Variants in RASGEF1B observed in about 807,000 individuals in gnomAD.
RASGEF1B encodes ras-GEF domain-containing family member 1B.
A neutral mutation model predicts 65.7 loss-of-function variants in RASGEF1B; 30 were observed. The observed-to-expected ratio is 0.46, with a 90% confidence interval of 0.34 to 0.62. The LOEUF (loss-of-function observed/expected upper bound fraction) is 0.62. Ranked by LOEUF, RASGEF1B falls within the 20% of genes least tolerant of loss-of-function variation. The pLI is 0.01. For missense variants in RASGEF1B, 495 were observed against 580.1 expected, an observed-to-expected ratio of 0.85 and a Z score of 1.51; for synonymous variants, 175 against 194.8, an observed-to-expected ratio of 0.90 and a Z score of 0.85.
chr4:81,426,469 T>C lies in RASGEF1B; in HGVS notation c.*1299A>G, dbSNP rs1313301032. The C allele has an allele frequency of 6.6e-6, 1 of 152,234 alleles. No individual in the cohort carries two copies. The highest frequency in any genetic ancestry group is 2.4e-5 in the African/African-American group (1 of 41,462). The allele number at this position is 152,234 out of a possible 1,614,324, so 9.4% of individuals were successfully genotyped here. ...GGATATTTTAGGTCTGCTGAGATGA[T>C]GCACAGCATACATACATGCTCTAGT... On this transcript the variant is annotated 3_prime_UTR_variant, in exon 14 of 14. Coordinates refer to ENST00000264400, the MANE Select transcript of RASGEF1B (RefSeq NM_152545.3).
At chr4:81,458,805 C>T (rs749344122) in intron 2 of RASGEF1B, among the ~76,000 whole-genome samples, 15 of 152,158 alleles carry the variant, frequency 9.9e-5, no homozygotes, top group Admixed American at 3.9e-4. Context: ...ACAACAAATT[C>T]CCTAGATTAG....
chr4:81,441,304 G>T (rs41470747), intron 9 of RASGEF1B, among the ~76,000 whole-genome samples: 5,734 of 152,196 alleles, frequency 0.038, 141 homozygotes, highest in Middle Eastern at 0.071. Flanking sequence ...CCAACACTTT[G>T]TAGTGACAAA....
chr4:81,434,872 C>T (rs909247954), intron 10 of RASGEF1B, 138 bp from the exon 11 acceptor site: 19 of 614,532 alleles, frequency 3.1e-5, no homozygotes, highest in Non-Finnish European at 4.6e-5. Context: ...TGTTTTGTTT[C>T]TTACACAACA....
At chr4:81,451,312 A>G (rs1013311612) in intron 4 of RASGEF1B, 1 of 152,236 alleles carries the variant, frequency 6.6e-6, no homozygotes, top group Non-Finnish European at 1.5e-5. Flanking sequence ...AATAGTTTTT[A>G]AAAAGAAAAA....
intron 2 of RASGEF1B, 134 bp downstream of exon 2, chr4:81,459,198 T>G (rs1376757967): frequency 1.6e-5 from 11 of 695,990 alleles, no homozygotes. Context: ...CACTTGATAA[T>G]CAATATGCAA....
rs148087176 is a variant in RASGEF1B, at chr4:81,466,754, A to G, written c.-7+5016T>C. On this transcript the variant is annotated intron_variant, in intron 1 of 13. Coordinates refer to ENST00000264400, the MANE Select transcript of RASGEF1B (RefSeq NM_152545.3). ...AGCCTGGGCGACAGAGCAAGCCTCCATGTCAAAAAAAAAAAAAAAGAAAGA... is the reference window on the plus strand; with the variant it reads ...AGCCTGGGCGACAGAGCAAGCCTCCGTGTCAAAAAAAAAAAAAAAGAAAGA... 0.022 allele frequency among the ~76,000 whole-genome samples: 1,541 copies of G among 68,530 alleles called. 135 individuals carry two copies. The East Asian group carries it at 0.35, about 16-fold the overall frequency. The allele number at this position is 68,530 out of a possible 152,430, so 45.0% of individuals were successfully genotyped here. A position where few individuals can be genotyped will look rare whatever the true frequency, so the allele number is the denominator to read the frequency against.
At chr4:81,471,353 G>C (rs1408800180) in intron 1 of RASGEF1B, 1 of 152,492 alleles carries the variant, frequency 6.6e-6, no homozygotes, top group Admixed American at 6.5e-5. Context: ...TACAACTCAA[G>C]ACAAATCCTC....
intron 1 of RASGEF1B, among the ~76,000 whole-genome samples, chr4:81,469,652 T>C (rs1164087197): frequency 2.3e-5 from 3 of 132,344 alleles, no homozygotes; most frequent in Non-Finnish European, 4.9e-5. Flanking sequence ...TATGTGTATA[T>C]ATACACACAC....
rs147294112 is a variant in RASGEF1B, at chr4:81,448,041, T to C, written c.654+28A>G. ...CCAAAGCAAAGCAAATCTGTGGTTG[T>C]AAAGGGCAATGATGATAACGGCCTT... On this transcript the variant is annotated intron_variant, in intron 5 of 13. Coordinates refer to ENST00000264400, the MANE Select transcript of RASGEF1B (RefSeq NM_152545.3). The C allele has an allele frequency of 1.6e-4, 250 of 1,590,608 alleles. No homozygotes were observed. The African/African-American group carries it at 2.7e-3, about 17-fold the overall frequency.
intron 9 of RASGEF1B, among the ~76,000 whole-genome samples, chr4:81,441,744 T>C (rs1721845629): frequency 6.6e-6 from 1 of 151,946 alleles, no homozygotes; most frequent in African/African-American, 2.4e-5. Flanking sequence ...GGTTTCGCCA[T>C]GTTGCCCAGG....
At chr4:81,441,078 A>C in intron 9 of RASGEF1B, 149 bp from the exon 10 acceptor site, 2 of 556,662 alleles carry the variant, frequency 3.6e-6, no homozygotes, top group Non-Finnish European at 6.4e-6. Flanking sequence ...CATACACACA[A>C]ATGCACATGA....
At chr4:81,451,183 T>C (rs1049570115) in intron 4 of RASGEF1B, 1 of 152,238 alleles carries the variant, frequency 6.6e-6, no homozygotes, top group Non-Finnish European at 1.5e-5. Context: ...AACTATATGT[T>C]ACTACTTTAC....
intron 7 of RASGEF1B, 50 bp downstream of exon 7, chr4:81,445,693 T>A (rs1721996240): frequency 6.3e-7 from 1 of 1,587,738 alleles, no homozygotes; most frequent in Non-Finnish European, 8.6e-7. Context: ...CTAAAATAAG[T>A]ATGAAAAAAT....
chr4:81,462,702 C>G (rs1722689400), intron 1 of RASGEF1B, among the ~76,000 whole-genome samples: 1 of 152,216 alleles, frequency 6.6e-6, no homozygotes, highest in South Asian at 2.1e-4. Flanking sequence ...CATAATTCTT[C>G]TCACTATGGG....
At chr4:81,447,656 T>C in intron 5 of RASGEF1B, 78 bp from the exon 6 acceptor site, 2 of 999,292 alleles carry the variant, frequency 2.0e-6, no homozygotes, top group South Asian at 2.7e-5. Flanking sequence ...CTATGACTAT[T>C]GGCACCACCC....
At chr4:81,450,192 CT>C (rs375668121) in intron 4 of RASGEF1B, among the ~76,000 whole-genome samples, 7 of 152,238 alleles carry the variant, frequency 4.6e-5, no homozygotes, top group African/African-American at 1.7e-4. Flanking sequence ...CTATTTCCCC[CT>C]CCTCTTTTAA....
intron 4 of RASGEF1B, chr4:81,450,948 T>G (rs1385611032): frequency 6.6e-6 from 1 of 152,212 alleles, no homozygotes; most frequent in Non-Finnish European, 1.5e-5. Context: ...AACAAATGAC[T>G]ACATGAGAGT....
intron 1 of RASGEF1B, among the ~76,000 whole-genome samples, chr4:81,466,725 C>G (rs779179220): frequency 7.3e-6 from 1 of 136,810 alleles, no homozygotes; most frequent in Non-Finnish European, 1.5e-5. Flanking sequence ...CGCCACTGCA[C>G]TCCAGCCTGG....
intron 10 of RASGEF1B, among the ~76,000 whole-genome samples, chr4:81,435,774 C>CTTTTTTT (rs34304493): frequency 1.4e-4 from 13 of 91,600 alleles, no homozygotes; most frequent in African/African-American, 7.0e-4. Flanking sequence ...CGCGCCTGGC[C>CTTTTTTT]TTTTTTTTTT....
Sources: gnomAD v4.1 joint callset for allele counts (sites outside exome capture counted in the v4.1 genomes callset) on GRCh38, gnomAD v4.1.1 for gene constraint, MANE v1.5 for transcripts, NCBI Gene and HGNC (gene_info 2026-07-23, HGNC 2026-07-21) for gene names.